Variants in ACAP2 observed in about 807,000 individuals in gnomAD.
ACAP2 encodes ArfGAP with coiled-coil, ankyrin repeat and PH domains 2.
In ACAP2, 39 loss-of-function variants were observed where a neutral mutation model predicts 115.8. The observed-to-expected ratio is 0.34, with a 90% CI of 0.26 to 0.44. The LOEUF (loss-of-function observed/expected upper bound fraction) is 0.44, where lower values mean the gene tolerates loss of function less well. ACAP2 is among the 20% of genes least tolerant of loss of function. The probability of loss-of-function intolerance (pLI) is 1.00; values close to 1 mark genes in which losing one functional copy is unlikely to be tolerated. For synonymous variants in ACAP2, 289 were observed against 315.8 expected, an observed-to-expected ratio of 0.92 and a Z score of 0.90; for missense variants, 662 against 927.6, an observed-to-expected ratio of 0.71 and a Z score of 3.72.
chr3:195,384,615 T>C (rs770871024), intron 2 of ACAP2, among the ~76,000 whole-genome samples: 2 of 151,998 alleles, frequency 1.3e-5, no homozygotes, highest in Non-Finnish European at 2.9e-5. Flanking sequence ...TAGTCCCAGC[T>C]AGTCAGGAGG....
intron 9 of ACAP2, among the ~76,000 whole-genome samples, chr3:195,321,371 C>T (rs993683267): frequency 2.6e-5 from 4 of 151,538 alleles, no homozygotes; most frequent in Non-Finnish European, 4.4e-5. Flanking sequence ...TACGGACATA[C>T]GCCATCATGC....
chr3:195,429,333 C>T (rs1000687911), intron 1 of ACAP2, among the ~76,000 whole-genome samples: 11 of 147,990 alleles, frequency 7.4e-5, no homozygotes, highest in African/African-American at 2.0e-4. Flanking sequence ...GAGCTGAGAT[C>T]GCACCACTGC....
intron 4 of ACAP2, among the ~76,000 whole-genome samples, chr3:195,376,425 G>A (rs1046425854): frequency 2.6e-5 from 4 of 151,732 alleles, no homozygotes; most frequent in Non-Finnish European, 5.9e-5. Context: ...AACAAAAGAA[G>A]TTTAAACATA....
chr3:195,390,075 G>A (rs1237616860), intron 2 of ACAP2, among the ~76,000 whole-genome samples: 1 of 152,108 alleles, frequency 6.6e-6, no homozygotes, highest in Non-Finnish European at 1.5e-5. Context: ...GTGAGCCTGA[G>A]GTCCCAGCTA....
At chr3:195,317,178 G>A (rs1330637068) in intron 10 of ACAP2, among the ~76,000 whole-genome samples, 4 of 151,974 alleles carry the variant, frequency 2.6e-5, no homozygotes, top group East Asian at 1.9e-4. Flanking sequence ...GATTATAGGC[G>A]TGAGCCACCG....
In ACAP2 at chr3:195,370,556, G is replaced by A. The variant is rs568662318; in HGVS notation, c.285+10453C>T. Among the ~76,000 whole-genome samples the A allele has an allele frequency of 5.9e-5, 9 of 152,218 alleles. No homozygotes were observed. The South Asian group carries it at 1.0e-3, about 18-fold the overall frequency. The stretch of plus-strand genomic sequence containing the variant: ...TTTGTTGAAGATCAGATGGTTGTAG[G>A]TGTGCGGCTTTATTTCTGGACTCTC... On this transcript the variant is annotated intron_variant, in intron 4 of 22. Transcript: ENST00000326793.
intron 15 of ACAP2, among the ~76,000 whole-genome samples, chr3:195,299,662 C>T (rs937832406): frequency 2.0e-5 from 3 of 152,028 alleles, no homozygotes; most frequent in Non-Finnish European, 4.4e-5. Flanking sequence ...GACGGTGAAA[C>T]TCCATCTCTA....
intron 20 of ACAP2, among the ~76,000 whole-genome samples, chr3:195,289,627 C>T (rs1185337053): frequency 6.6e-6 from 1 of 151,140 alleles, no homozygotes; most frequent in African/African-American, 2.4e-5. Context: ...GGTGAAACCC[C>T]GTCTCTACTA....
At position 195,306,437 on chromosome 3, in the gene ACAP2, A is replaced by C. The variant is rs1728426387; in HGVS notation, c.1116+74T>G. The C allele has an allele frequency of 1.0e-5, 8 of 773,256 alleles. 1 individual carries two copies. The South Asian group carries it at 1.6e-4, about 16-fold the overall frequency. 47.9% of individuals were successfully genotyped at this position (773,256 alleles called of 1,614,324 possible). ...TTCCATAACAAACGATGCTACATAC[A>C]GTCATATAACGTTGCAACTAAAATC... On this transcript the variant is annotated intron_variant, in intron 13 of 22. Transcript: ENST00000326793.
intron 7 of ACAP2, among the ~76,000 whole-genome samples, chr3:195,333,831 C>T (rs1730328394): frequency 6.6e-6 from 1 of 152,034 alleles, no homozygotes; most frequent in South Asian, 2.1e-4. Context: ...CAAAATAAAA[C>T]ACAAACGCTT....
In ACAP2 at chr3:195,297,170, A is replaced by G. The variant is rs746231389; in HGVS notation, c.1487+20T>C. On this transcript the variant is annotated intron_variant, in intron 16 of 22. Coordinates refer to ENST00000326793, the MANE Select transcript of ACAP2 (RefSeq NM_012287.6). ...ATAGCTATATTCCTAATTAGGGGGAAAAAACAACTGAAATAGTACCTTTGT... is the reference window on the plus strand; with the variant it reads ...ATAGCTATATTCCTAATTAGGGGGAGAAAACAACTGAAATAGTACCTTTGT... 6.2e-7 allele frequency: 1 copy of G among 1,601,730 alleles called. No individual in the cohort carries two copies. The highest frequency in any genetic ancestry group is 8.5e-7 in the Non-Finnish European group (1 of 1,171,798).
chr3:195,299,411 A>C (rs1347825142), intron 15 of ACAP2, among the ~76,000 whole-genome samples: 1 of 112,608 alleles, frequency 8.9e-6, no homozygotes, highest in Non-Finnish European at 2.2e-5. Context: ...CTCTACAAAA[A>C]ATACAAAAAA....
Position 195,301,634 on chromosome 3 carries a change from C to A in ACAP2, c.1336G>T (p.Val446Phe). The change falls in exon 15 of 23, where the codon GTT (valine) becomes TTT (phenylalanine). Residue 446 changes from valine (V) to phenylalanine (F), a missense_variant. Coordinates refer to ENST00000326793, the MANE Select transcript of ACAP2 (RefSeq NM_012287.6). Reference sequence around the variant, plus strand: ...AAAGATCGTACTTTTGAAAAATGAACCCCAAGGCTCCTAAGTGGAAAAAAG... The same window carrying A: ...AAAGATCGTACTTTTGAAAAATGAAACCCAAGGCTCCTAAGTGGAAAAAAG... ...ECSGIHRSLG[V>F]HFSKVRSLTL... 6.2e-7 allele frequency: 1 copy of A among 1,613,188 alleles called. No homozygotes were observed. Among genetic ancestry groups the A allele is most frequent in the East Asian group, 2.2e-5 (1 of 44,870 alleles).
chr3:195,352,203 A>C (rs1731656597), intron 4 of ACAP2, among the ~76,000 whole-genome samples: 3 of 152,158 alleles, frequency 2.0e-5, no homozygotes, highest in Admixed American at 1.3e-4. Context: ...TCATTACAGA[A>C]ACATGCTGTA....
chr3:195,416,507 G>A (rs1713742095), intron 1 of ACAP2, among the ~76,000 whole-genome samples: 2 of 152,116 alleles, frequency 1.3e-5, no homozygotes, highest in African/African-American at 4.8e-5. Context: ...ATAGCTTGTA[G>A]GAGTGTATAC....
At chr3:195,369,125 G>A (rs980366430) in intron 4 of ACAP2, among the ~76,000 whole-genome samples, 3 of 151,540 alleles carry the variant, frequency 2.0e-5, no homozygotes, top group East Asian at 1.9e-4. Context: ...GAAATTAAGT[G>A]TACATAATTA....
At chr3:195,319,849 T>C (rs1729333514) in intron 10 of ACAP2, among the ~76,000 whole-genome samples, 1 of 152,096 alleles carries the variant, frequency 6.6e-6, no homozygotes, top group East Asian at 1.9e-4. Context: ...GATTTTGAAA[T>C]GTGAAAAGGA....
chr3:195,393,979 G>C (rs12491788), intron 1 of ACAP2, among the ~76,000 whole-genome samples: 3,240 of 152,156 alleles, frequency 0.021, 113 homozygotes, highest in East Asian at 0.1. Context: ...TCTGAAGAAT[G>C]GGGATTTGAT....
intron 1 of ACAP2, chr3:195,413,013 G>C: frequency 6.3e-6 from 2 of 317,274 alleles, no homozygotes; most frequent in South Asian, 5.2e-5. Context: ...AGAGGACACA[G>C]AGTAACAGAA....
Sources: allele counts gnomAD v4.1 joint callset (sites outside exome capture counted in the v4.1 genomes callset), GRCh38; gene constraint gnomAD v4.1.1; transcripts MANE v1.5; gene names NCBI Gene and HGNC (gene_info 2026-07-23, HGNC 2026-07-21).